The following IGFBP7 variants were observed in gnomAD, a reference collection of about 807,000 sequenced individuals.
IGFBP7 encodes the protein insulin like growth factor binding protein 7.
Under a neutral mutation model 29.4 loss-of-function variants are expected in IGFBP7, and 31 were observed. That is an observed-to-expected ratio of 1.05 (90% CI 0.79 to 1.42). The LOEUF is 1.42. Ranked by LOEUF, IGFBP7 falls within the 40% of genes most tolerant of loss-of-function variation. The pLI is 0.00. For synonymous variants in IGFBP7, 172 were observed against 174.9 expected, an observed-to-expected ratio of 0.98 and a Z score of 0.13; for missense variants, 393 against 395.5, an observed-to-expected ratio of 0.99 and a Z score of 0.05.
At chr4:57,074,813 T>C (rs1725181200) in intron 1 of IGFBP7, among the ~76,000 whole-genome samples, 1 of 152,176 alleles carries the variant, frequency 6.6e-6, no homozygotes, top group Non-Finnish European at 1.5e-5. Flanking sequence ...TTCAGGAATT[T>C]AAATTGTACT....
intron 3 of IGFBP7, among the ~76,000 whole-genome samples, chr4:57,032,933 G>T (rs112719583): frequency 6.6e-6 from 1 of 152,234 alleles, no homozygotes; most frequent in Admixed American, 6.5e-5. Flanking sequence ...GGGCCACGCA[G>T]CTCCGTGTGA....
rs1420870857 is a variant in IGFBP7 at position 57,110,312 on chromosome 4, C to T, written c.40G>A (p.Ala14Thr). ...GGCAGGAGCAGGAGCAGCAGCCCAG[C>T]GGCGCCGAGGAGCAGGGCGCGCAGC... The part of the protein sequence containing the change: ...PSLRALLLGA[A>T]GLLLLLLPLS... The change falls in exon 1 of 5, where the codon GCT becomes ACT. Residue 14 changes from alanine to threonine, a missense_variant. Transcript: ENST00000295666. 7.1e-7 allele frequency: 1 copy of T among 1,412,968 alleles called. No individual in the cohort carries two copies. The highest frequency in any genetic ancestry group is 9.2e-7 in the Non-Finnish European group (1 of 1,082,644). 87.5% of individuals were successfully genotyped at this position (1,412,968 alleles called of 1,614,324 possible). A position where few individuals can be genotyped will look rare whatever the true frequency, so the allele number is the denominator to read the frequency against.
At chr4:57,071,362 T>C (rs1402823431) in intron 1 of IGFBP7, among the ~76,000 whole-genome samples, 1 of 152,232 alleles carries the variant, frequency 6.6e-6, no homozygotes, top group East Asian at 1.9e-4. Flanking sequence ...GAGCAGGATC[T>C]GTCAGTAGGA....
intron 1 of IGFBP7, among the ~76,000 whole-genome samples, chr4:57,071,429 A>G (rs915149041): frequency 6.6e-6 from 1 of 152,178 alleles, no homozygotes; most frequent in Non-Finnish European, 1.5e-5. Flanking sequence ...ATCTGTGCTG[A>G]CAACTAAGTT....
intron 1 of IGFBP7, among the ~76,000 whole-genome samples, chr4:57,049,823 T>C: frequency 6.6e-6 from 1 of 152,092 alleles, no homozygotes; most frequent in South Asian, 2.1e-4. Context: ...GTGAAGTGGG[T>C]ATAGGGCAGC....
At chr4:57,045,517 C>G (rs1724338424) in intron 1 of IGFBP7, among the ~76,000 whole-genome samples, 1 of 152,116 alleles carries the variant, frequency 6.6e-6, no homozygotes, top group Non-Finnish European at 1.5e-5. Context: ...GTGTAATATT[C>G]AAGGGACCAA....
chr4:57,051,469 T>C (rs546043020), intron 1 of IGFBP7, among the ~76,000 whole-genome samples: 63 of 152,234 alleles, frequency 4.1e-4, no homozygotes, highest in Non-Finnish European at 6.9e-4. Context: ...CTACTGTTAG[T>C]CATTTCCACT....
chr4:57,071,464 G>T (rs1725052524), intron 1 of IGFBP7, among the ~76,000 whole-genome samples: 1 of 152,292 alleles, frequency 6.6e-6, no homozygotes, highest in South Asian at 2.1e-4. Flanking sequence ...TATCATAGCT[G>T]GTTCTTAATC....
intron 1 of IGFBP7, among the ~76,000 whole-genome samples, chr4:57,083,127 C>T (rs1174616627): frequency 6.6e-6 from 1 of 152,156 alleles, no homozygotes; most frequent in Non-Finnish European, 1.5e-5. Flanking sequence ...ATACTTATGT[C>T]CCTATGCGTT....
At chr4:57,035,211 G>C (rs1430634066) in intron 2 of IGFBP7, among the ~76,000 whole-genome samples, 2 of 152,080 alleles carry the variant, frequency 1.3e-5, no homozygotes, top group Non-Finnish European at 2.9e-5. Flanking sequence ...GATCCACTAT[G>C]GAAAGGGAAA....
intron 1 of IGFBP7, among the ~76,000 whole-genome samples, chr4:57,071,007 A>T (rs998964642): frequency 2.6e-5 from 4 of 152,188 alleles, no homozygotes; most frequent in African/African-American, 7.2e-5. Flanking sequence ...ACTACTTCAT[A>T]TTTCTTCTGC....
chr4:57,082,345 G>T (rs1157468567), intron 1 of IGFBP7, among the ~76,000 whole-genome samples: 1 of 152,206 alleles, frequency 6.6e-6, no homozygotes, highest in South Asian at 2.1e-4. Flanking sequence ...CCCAAATCGC[G>T]GTCTCAGAGA....
intron 1 of IGFBP7, among the ~76,000 whole-genome samples, chr4:57,102,377 G>A (rs1407141001): frequency 2.0e-5 from 3 of 152,100 alleles, no homozygotes; most frequent in Non-Finnish European, 4.4e-5. Flanking sequence ...TAGTTTAAGA[G>A]ATTTAAAAAT....
chr4:57,088,774 A>G (rs1239230400), intron 1 of IGFBP7, among the ~76,000 whole-genome samples: 1 of 152,066 alleles, frequency 6.6e-6, no homozygotes, highest in East Asian at 1.9e-4. Context: ...CACGTCTGTA[A>G]TCCCAGCATT....
chr4:57,074,876 A>G (rs751562458), intron 1 of IGFBP7, among the ~76,000 whole-genome samples: 1 of 152,252 alleles, frequency 6.6e-6, no homozygotes, highest in African/African-American at 2.4e-5. Flanking sequence ...CTTTGAATGC[A>G]CTAGGCACCC....
chr4:57,047,358 G>C (rs1411960915), intron 1 of IGFBP7, among the ~76,000 whole-genome samples: 1 of 152,186 alleles, frequency 6.6e-6, no homozygotes, highest in African/African-American at 2.4e-5. Context: ...GCCTCATGGA[G>C]CTGTGAGTCC....
intron 1 of IGFBP7, among the ~76,000 whole-genome samples, chr4:57,071,640 T>C (rs1441214257): frequency 2.0e-5 from 3 of 152,220 alleles, no homozygotes; most frequent in African/African-American, 7.2e-5. Flanking sequence ...AATAAGGGAC[T>C]GATCTCAGTT....
intron 1 of IGFBP7, among the ~76,000 whole-genome samples, chr4:57,052,245 G>C (rs951569200): frequency 6.6e-6 from 1 of 152,206 alleles, no homozygotes; most frequent in Non-Finnish European, 1.5e-5. Flanking sequence ...ACTGGATGTA[G>C]GAAAGAGAGG....
intron 1 of IGFBP7, among the ~76,000 whole-genome samples, chr4:57,054,773 C>G (rs530068621): frequency 2.0e-5 from 3 of 151,970 alleles, no homozygotes; most frequent in Non-Finnish European, 4.4e-5. Flanking sequence ...AAACATTTTG[C>G]GACGCTGAAG....
Sources: gnomAD v4.1 joint callset for allele counts (sites outside exome capture counted in the v4.1 genomes callset) on GRCh38, gnomAD v4.1.1 for gene constraint, MANE v1.5 for transcripts, NCBI Gene and HGNC (gene_info 2026-07-23, HGNC 2026-07-21) for gene names.